The following PLPP3 variants were observed in gnomAD, a reference collection of about 807,000 sequenced individuals.
PLPP3 encodes PAP2 beta.
PLPP3 carries 6 observed loss-of-function variants against 29.6 expected under a neutral mutation model. The observed-to-expected ratio is 0.20, with a 90% CI of 0.11 to 0.40. The LOEUF (loss-of-function observed/expected upper bound fraction) is 0.40. Among genes scored for constraint, PLPP3 ranks in the 10% least tolerant of loss-of-function variants. PLPP3 has a pLI of 1.00. For missense variants in PLPP3, 308 were observed against 407.7 expected (o/e 0.76, Z 2.11); for synonymous variants, 152 against 159.7 (o/e 0.95, Z 0.36).
chr1:56,563,247 G>GTGT (rs1646142118), intron 1 of PLPP3, among the ~76,000 whole-genome samples: 2 of 152,188 alleles, frequency 1.3e-5, no homozygotes, highest in African/African-American at 2.4e-5. Flanking sequence ...AGGAAAGGGA[G>GTGT]AAAAGACCTA....
At chr1:56,529,780 T>G (rs917968897) in intron 2 of PLPP3, among the ~76,000 whole-genome samples, 1 of 152,178 alleles carries the variant, frequency 6.6e-6, no homozygotes, top group Admixed American at 6.5e-5. Flanking sequence ...AGTGCCTCAC[T>G]GTCTGGGAAA....
intron 1 of PLPP3, among the ~76,000 whole-genome samples, chr1:56,540,824 G>C (rs1332939001): frequency 6.6e-6 from 1 of 152,130 alleles, no homozygotes; most frequent in Non-Finnish European, 1.5e-5. Flanking sequence ...AGTCCAACTA[G>C]GCAACTAGGC....
At chr1:56,528,559 A>G (rs942440325) in intron 2 of PLPP3, among the ~76,000 whole-genome samples, 3 of 152,124 alleles carry the variant, frequency 2.0e-5, no homozygotes, top group Admixed American at 6.6e-5. Context: ...AATAAGGTTA[A>G]TAATATCTAT....
chr1:56,557,670 ATCATT>A (rs1333655131), intron 1 of PLPP3, among the ~76,000 whole-genome samples: 4 of 152,098 alleles, frequency 2.6e-5, no homozygotes, highest in Non-Finnish European at 5.9e-5. Context: ...ACCTCCATGG[ATCATT>A]TCCCTTTTCT....
At chr1:56,526,787 A>G (rs1277936167) in intron 2 of PLPP3, among the ~76,000 whole-genome samples, 1 of 152,174 alleles carries the variant, frequency 6.6e-6, no homozygotes, top group Non-Finnish European at 1.5e-5. Context: ...ATCCACCACT[A>G]GCCTGCCAAC....
intron 1 of PLPP3, among the ~76,000 whole-genome samples, chr1:56,564,391 A>T (rs193100156): frequency 8.8e-4 from 133 of 151,306 alleles, no homozygotes; most frequent in Admixed American, 2.6e-3. Context: ...TTGAGGGGCT[A>T]GGTAACTGGA....
intron 1 of PLPP3, among the ~76,000 whole-genome samples, chr1:56,559,760 T>C (rs1220147570): frequency 2.0e-5 from 3 of 152,182 alleles, no homozygotes; most frequent in Non-Finnish European, 4.4e-5. Context: ...TTGTTTTCTC[T>C]ATATTTTACT....
At chr1:56,550,608 A>C (rs984174574) in intron 1 of PLPP3, among the ~76,000 whole-genome samples, 1 of 152,108 alleles carries the variant, frequency 6.6e-6, no homozygotes, top group Non-Finnish European at 1.5e-5. Flanking sequence ...GCGAAGCCCA[A>C]GGGGGGTTCA....
chr1:56,544,864 T>C (rs1192236590), intron 1 of PLPP3, among the ~76,000 whole-genome samples: 1 of 152,202 alleles, frequency 6.6e-6, no homozygotes, highest in Non-Finnish European at 1.5e-5. Flanking sequence ...AGCCACTCTC[T>C]CTCTGCCTCA....
chr1:56,517,096 A>C (rs1429951882), intron 4 of PLPP3: 1 of 152,248 alleles, frequency 6.6e-6, no homozygotes, highest in Non-Finnish European at 1.5e-5. Context: ...CTGGTGGAAC[A>C]GGTCTGTACT....
intron 1 of PLPP3, among the ~76,000 whole-genome samples, chr1:56,567,551 C>T (rs1478397616): frequency 6.6e-6 from 1 of 152,064 alleles, no homozygotes; most frequent in Non-Finnish European, 1.5e-5. Flanking sequence ...GTACCCGCCA[C>T]CACACCTGGC....
Position 56,552,935 on chromosome 1 carries a change from T to C in PLPP3, c.140-15823A>G, listed in dbSNP as rs569176562. Among the ~76,000 whole-genome samples, 44 of 152,278 alleles carry C rather than the reference T, an allele frequency of 2.9e-4. No homozygotes were observed. In the South Asian group the frequency reaches 5.8e-3, roughly 20 times the overall value. On this transcript the variant is annotated intron_variant, in intron 1 of 5. Coordinates refer to ENST00000371250, the MANE Select transcript of PLPP3 (RefSeq NM_003713.5). ...GGCTGGGGGTCTCAGGAGTTCAAGG[T>C]TGGATTCTTCTGCGAATGAAGAAAG...
intron 5 of PLPP3, among the ~76,000 whole-genome samples, chr1:56,501,477 A>T (rs1645667743): frequency 6.6e-6 from 1 of 152,178 alleles, no homozygotes; most frequent in Non-Finnish European, 1.5e-5. Context: ...ACCCCAAAAT[A>T]AAACTCCATA....
intron 2 of PLPP3, among the ~76,000 whole-genome samples, chr1:56,526,335 T>C (rs188689792): frequency 5.9e-5 from 9 of 152,264 alleles, no homozygotes; most frequent in East Asian, 5.8e-4. Flanking sequence ...CCAGGAAGCA[T>C]GGCAAGTCAT....
intron 1 of PLPP3, among the ~76,000 whole-genome samples, chr1:56,575,937 G>T (rs1484273963): frequency 6.6e-6 from 1 of 151,978 alleles, no homozygotes; most frequent in Non-Finnish European, 1.5e-5. Flanking sequence ...TTAATTAAAA[G>T]GAAAACAAAA....
At chr1:56,546,465 C>T (rs1646007194) in intron 1 of PLPP3, among the ~76,000 whole-genome samples, 1 of 152,058 alleles carries the variant, frequency 6.6e-6, no homozygotes, top group Admixed American at 6.6e-5. Flanking sequence ...AAGTAATGGC[C>T]ACATTAGACA....
chr1:56,532,389 A>C (rs953323691), intron 2 of PLPP3, among the ~76,000 whole-genome samples: 10 of 152,070 alleles, frequency 6.6e-5, no homozygotes, highest in Middle Eastern at 3.4e-3. Flanking sequence ...CATTTTTCAG[A>C]GTTGAAAACT....
At chr1:56,545,310 T>G (rs139196152) in intron 1 of PLPP3, among the ~76,000 whole-genome samples, 1 of 152,124 alleles carries the variant, frequency 6.6e-6, no homozygotes, top group Admixed American at 6.5e-5. Flanking sequence ...ATGTACAGAG[T>G]TGATTAGGAG....
At chr1:56,545,023 C>CT (rs1170543924) in intron 1 of PLPP3, among the ~76,000 whole-genome samples, 2 of 152,232 alleles carry the variant, frequency 1.3e-5, no homozygotes, top group Non-Finnish European at 2.9e-5. Flanking sequence ...GAAGTAATGT[C>CT]TTTAACATCT....
Sources: allele counts gnomAD v4.1 joint callset (sites outside exome capture counted in the v4.1 genomes callset), GRCh38; gene constraint gnomAD v4.1.1; transcripts MANE v1.5; gene names NCBI Gene and HGNC (gene_info 2026-07-23, HGNC 2026-07-21).